CACNG5: variants seen among roughly 807,000 people sequenced by gnomAD.
The protein encoded by CACNG5 is voltage-dependent calcium channel gamma-5 subunit.
In CACNG5, 18 loss-of-function variants were observed where a neutral mutation model predicts 24.8. The observed-to-expected ratio is 0.73, with a 90% confidence interval of 0.50 to 1.08. CACNG5 has a LOEUF of 1.08. Among genes scored for constraint, CACNG5 ranks in the 50% least tolerant of loss-of-function variants. The probability of loss-of-function intolerance (pLI) is 0.00; values close to 1 mark genes in which losing one functional copy is unlikely to be tolerated. For missense variants in CACNG5, 349 were observed against 367.9 expected (o/e 0.95, Z 0.42); for synonymous variants, 157 against 149.1 (o/e 1.05, Z -0.39).
At chr17:66,864,115 A>G (rs1204538152) in intron 1 of CACNG5, among the ~76,000 whole-genome samples, 2 of 152,184 alleles carry the variant, frequency 1.3e-5, no homozygotes, top group African/African-American at 4.8e-5. Context: ...GGAATCTGTT[A>G]GATATCCTGT....
intron 1 of CACNG5, among the ~76,000 whole-genome samples, chr17:66,838,648 C>A (rs952497133): frequency 6.6e-6 from 1 of 151,808 alleles, no homozygotes; most frequent in East Asian, 1.9e-4. Context: ...GACCTATTGG[C>A]CATGAGCACC....
In CACNG5 at chr17:66,885,679, A is replaced by C. The variant is rs1457841800; in HGVS notation, c.*439A>C. ...CACTTGCCAACTGGCCTGGCCATTC[A>C]CATTCAAGATCTGCACCATCTGGCC... On this transcript the variant is annotated 3_prime_UTR_variant, in exon 6 of 6. Coordinates refer to ENST00000533854, the MANE Select transcript of CACNG5 (RefSeq NM_145811.3). Among the ~76,000 whole-genome samples the C allele has an allele frequency of 1.3e-5, 2 of 152,222 alleles. No homozygotes were observed. The highest frequency in any genetic ancestry group is 4.8e-5 in the African/African-American group (2 of 41,450).
intron 1 of CACNG5, among the ~76,000 whole-genome samples, chr17:66,845,507 C>T (rs751714935): frequency 3.0e-4 from 46 of 151,552 alleles, no homozygotes; most frequent in Non-Finnish European, 1.6e-4. Flanking sequence ...AACCAGGTGA[C>T]GGAATGGACT....
intron 1 of CACNG5, among the ~76,000 whole-genome samples, chr17:66,839,564 A>G (rs1273080842): frequency 6.6e-6 from 1 of 151,916 alleles, no homozygotes; most frequent in South Asian, 2.1e-4. Context: ...GCCTCACTGC[A>G]CAGGTGACAT....
intron 1 of CACNG5, among the ~76,000 whole-genome samples, chr17:66,855,457 C>T (rs2143058026): frequency 6.6e-6 from 1 of 152,316 alleles, no homozygotes; most frequent in Admixed American, 6.5e-5. Flanking sequence ...TCCAGGAAGA[C>T]AGCTCCAGGA....
chr17:66,848,653 G>T (rs1447704815), intron 1 of CACNG5, among the ~76,000 whole-genome samples: 1 of 152,130 alleles, frequency 6.6e-6, no homozygotes, highest in Non-Finnish European at 1.5e-5. Flanking sequence ...ATTTTACCTT[G>T]GCAGGGGAGA....
rs1977360633 is a variant in CACNG5 at position 66,892,629 on chromosome 17, C to T, written c.*7389C>T. On this transcript the variant is annotated 3_prime_UTR_variant, in exon 6 of 6. Coordinates refer to ENST00000533854, the MANE Select transcript of CACNG5 (RefSeq NM_145811.3). ...AACGTTCCCAGCAGACTAACTTGGGCCAATTTTTACTTTAAATCCACCCAC... is the reference window on the plus strand; with the variant it reads ...AACGTTCCCAGCAGACTAACTTGGGTCAATTTTTACTTTAAATCCACCCAC... 6.6e-6 allele frequency among the ~76,000 whole-genome samples: 1 copy of T among 152,162 alleles called. No homozygotes were observed. The highest frequency in any genetic ancestry group is 1.5e-5 in the Non-Finnish European group (1 of 68,034).
Position 66,885,176 on chromosome 17 carries a change from A to G in CACNG5, c.764A>G (p.Asn255Ser), listed in dbSNP as rs1366790770. Reference protein sequence around the residue: ...DISSEASLQMNSNYPALLKCP... With the variant: ...DISSEASLQMSSNYPALLKCP... ...TCCAGCGAGGCCTCCCTGCAGATGAACAGCAACTACCCCGCCTTGCTCAAG... is the reference window on the plus strand; with the variant it reads ...TCCAGCGAGGCCTCCCTGCAGATGAGCAGCAACTACCCCGCCTTGCTCAAG... The change falls in exon 6 of 6, where the codon AAC becomes AGC. Residue 255 changes from asparagine (N) to serine (S), a missense_variant. By Grantham distance (46) the Asn-to-Ser change is conservative (BLOSUM62 1). Coordinates refer to ENST00000533854, the MANE Select transcript of CACNG5 (RefSeq NM_145811.3). 6.2e-7 allele frequency: 1 copy of G among 1,611,466 alleles called. No individual in the cohort carries two copies. Among genetic ancestry groups the G allele is most frequent in the Non-Finnish European group, 8.5e-7 (1 of 1,179,884 alleles).
intron 1 of CACNG5, among the ~76,000 whole-genome samples, chr17:66,848,150 A>T (rs1043525729): frequency 6.6e-6 from 1 of 152,132 alleles, no homozygotes; most frequent in Admixed American, 6.5e-5. Flanking sequence ...AGGGGTCTTG[A>T]TCTTTTTTCT....
Position 66,885,510 on chromosome 17 carries a change from C to G in CACNG5, c.*270C>G. 2.3e-6 allele frequency: 1 copy of G among 442,562 alleles called. No homozygotes were observed. Among genetic ancestry groups the G allele is most frequent in the Non-Finnish European group, 4.0e-6 (1 of 252,212 alleles). The allele number at this position is 442,562 out of a possible 1,614,324, so 27.4% of individuals were successfully genotyped here. A position where few individuals can be genotyped will look rare whatever the true frequency, so the allele number is the denominator to read the frequency against. On this transcript the variant is annotated 3_prime_UTR_variant, in exon 6 of 6. Transcript: ENST00000533854. ...GTGAGTGCCAATCACAGCAGTGGCT[C>G]CAGGAAGCCAGCAGCTCCCCCCAAG...
rs1048517733 is a variant in CACNG5, at chr17:66,894,494, T to C, written c.*9254T>C. ...GGGCTGTTTCTCCGGTGTGATTTCA[T>C]TTTATTTGCTTTGAATCCTAGTGCA... On this transcript the variant is annotated 3_prime_UTR_variant, in exon 6 of 6. Transcript: ENST00000533854. Among the ~76,000 whole-genome samples the C allele has an allele frequency of 2.6e-5, 4 of 152,182 alleles. No individual in the cohort carries two copies. The highest frequency in any genetic ancestry group is 9.7e-5 in the African/African-American group (4 of 41,446).
intron 1 of CACNG5, among the ~76,000 whole-genome samples, chr17:66,862,985 T>C (rs933644022): frequency 2.6e-5 from 4 of 151,840 alleles, no homozygotes; most frequent in African/African-American, 9.7e-5. Flanking sequence ...GGATATTGTA[T>C]GTTTGTTTTT....
chr17:66,854,238 G>C (rs1976742109), intron 1 of CACNG5, among the ~76,000 whole-genome samples: 1 of 152,094 alleles, frequency 6.6e-6, no homozygotes, highest in Non-Finnish European at 1.5e-5. Context: ...GACCATCCTG[G>C]CTAACATGGT....
At chr17:66,877,158 G>A in intron 1 of CACNG5, 72 bp from the exon 2 acceptor site, 1 of 588,102 alleles carries the variant, frequency 1.7e-6, no homozygotes, top group Non-Finnish European at 3.0e-6. Context: ...GTTGCCTGGT[G>A]GTCTTTACCC....
chr17:66,870,694 T>G (rs1452268941), intron 1 of CACNG5, among the ~76,000 whole-genome samples: 2 of 152,122 alleles, frequency 1.3e-5, no homozygotes. Flanking sequence ...AGAAGTCACA[T>G]AGCGCCAGGT....
intron 2 of CACNG5, 119 bp downstream of exon 2, chr17:66,877,647 C>A: frequency 1.2e-6 from 1 of 813,416 alleles, no homozygotes; most frequent in Non-Finnish European, 1.9e-6. Context: ...CACGGATGAT[C>A]CCTATATATG....
At chr17:66,845,651 T>C (rs1976629980) in intron 1 of CACNG5, among the ~76,000 whole-genome samples, 1 of 152,052 alleles carries the variant, frequency 6.6e-6, no homozygotes, top group African/African-American at 2.4e-5. Flanking sequence ...ATCGGTGCCT[T>C]CCCAGCTACC....
At chr17:66,861,801 G>A (rs1976863704) in intron 1 of CACNG5, among the ~76,000 whole-genome samples, 1 of 152,246 alleles carries the variant, frequency 6.6e-6, no homozygotes, top group South Asian at 2.1e-4. Context: ...GGTGGCCCGA[G>A]CAGGCTCCTA....
intron 3 of CACNG5, among the ~76,000 whole-genome samples, chr17:66,879,804 A>G (rs1466832411): frequency 1.3e-5 from 2 of 152,146 alleles, no homozygotes; most frequent in Non-Finnish European, 2.9e-5. Context: ...ATTGGGGTTC[A>G]TTACATAGGC....
Sources: allele counts gnomAD v4.1 joint callset (sites outside exome capture counted in the v4.1 genomes callset), GRCh38; gene constraint gnomAD v4.1.1; transcripts MANE v1.5; gene names NCBI Gene and HGNC (gene_info 2026-07-23, HGNC 2026-07-21).